ETV6: variants seen among roughly 807,000 people sequenced by gnomAD.
ETV6 encodes ETS variant transcription factor 6.
ETV6 carries 16 observed loss-of-function variants against 51.1 expected under a neutral mutation model. The observed-to-expected ratio is 0.31, with a 90% confidence interval of 0.21 to 0.48. ETV6 has a LOEUF of 0.48. Ranked by LOEUF, ETV6 falls within the 20% of genes least tolerant of loss-of-function variation. The pLI, the probability that ETV6 is intolerant of heterozygous loss-of-function variation, is 0.99. For missense variants in ETV6, 458 were observed against 594.8 expected (o/e 0.77, Z 2.39); for synonymous variants, 240 against 224.1 (o/e 1.07, Z -0.64).
intron 5 of ETV6, among the ~76,000 whole-genome samples, chr12:11,879,836 T>C (rs1296639817): frequency 6.6e-6 from 1 of 152,138 alleles, no homozygotes; most frequent in East Asian, 1.9e-4. Flanking sequence ...CGCTTTATTA[T>C]ATAGTATTAT....
intron 1 of ETV6, among the ~76,000 whole-genome samples, chr12:11,661,738 A>G (rs751315666): frequency 2.6e-5 from 4 of 152,216 alleles, no homozygotes; most frequent in African/African-American, 9.7e-5. Flanking sequence ...TGGTGAGGTA[A>G]GAGTGTTTTC....
At chr12:11,739,559 A>G (rs1167156880) in intron 1 of ETV6, among the ~76,000 whole-genome samples, 1 of 152,238 alleles carries the variant, frequency 6.6e-6, no homozygotes. Flanking sequence ...GAATTTTATG[A>G]ACTCTAAATA....
intron 5 of ETV6, among the ~76,000 whole-genome samples, chr12:11,877,408 G>C (rs932787678): frequency 6.6e-6 from 1 of 152,148 alleles, no homozygotes; most frequent in African/African-American, 2.4e-5. Context: ...AGTGCTGGGG[G>C]CAAGTCTCAG....
intron 2 of ETV6, among the ~76,000 whole-genome samples, chr12:11,792,291 C>G (rs528107912): frequency 6.6e-6 from 1 of 152,158 alleles, no homozygotes; most frequent in Non-Finnish European, 1.5e-5. Context: ...TGTTCCTGCT[C>G]TCCCAGTGAC....
At chr12:11,668,688 CT>C (rs1202742943) in intron 1 of ETV6, among the ~76,000 whole-genome samples, 2 of 152,174 alleles carry the variant, frequency 1.3e-5, no homozygotes, top group African/African-American at 4.8e-5. Flanking sequence ...ACACTTAAGC[CT>C]TATGCTTCAG....
intron 2 of ETV6, among the ~76,000 whole-genome samples, chr12:11,821,098 C>T (rs181612581): frequency 2.0e-5 from 3 of 152,130 alleles, no homozygotes; most frequent in African/African-American, 4.8e-5. Flanking sequence ...CACGGTGGCT[C>T]ACGCCTGTAA....
chr12:11,667,981 T>A (rs1864228230), intron 1 of ETV6, among the ~76,000 whole-genome samples: 1 of 152,052 alleles, frequency 6.6e-6, no homozygotes, highest in Admixed American at 6.6e-5. Flanking sequence ...ATTACAGCCG[T>A]GAGCCACCAC....
At chr12:11,854,203 T>C (rs1366503483) in intron 4 of ETV6, among the ~76,000 whole-genome samples, 1 of 151,914 alleles carries the variant, frequency 6.6e-6, no homozygotes, top group Non-Finnish European at 1.5e-5. Context: ...CAGTTCATGA[T>C]AGCGTTTGTG....
chr12:11,800,555 C>T (rs1266270433), intron 2 of ETV6, among the ~76,000 whole-genome samples: 1 of 149,496 alleles, frequency 6.7e-6, no homozygotes, highest in Admixed American at 6.7e-5. Flanking sequence ...CCAACACCTC[C>T]CCACCCGCAT....
At chr12:11,650,488 A>ACAAC (rs1565472643) in intron 1 of ETV6, among the ~76,000 whole-genome samples, 2 of 64,642 alleles carry the variant, frequency 3.1e-5, no homozygotes, top group African/African-American at 9.9e-5. Flanking sequence ...GCTTAAAAAA[A>ACAAC]AAAAAAACAA....
At chr12:11,696,176 C>A (rs965031967) in intron 1 of ETV6, among the ~76,000 whole-genome samples, 10 of 152,090 alleles carry the variant, frequency 6.6e-5, no homozygotes, top group African/African-American at 1.4e-4. Flanking sequence ...GTTTTTATTT[C>A]TTTTTTCTGT....
At chr12:11,652,441 C>T (rs931442305) in intron 1 of ETV6, among the ~76,000 whole-genome samples, 1 of 152,166 alleles carries the variant, frequency 6.6e-6, no homozygotes, top group South Asian at 2.1e-4. Flanking sequence ...TGCTGGTAAC[C>T]CACAAGCAAG....
rs1865406563 is a variant in ETV6 at position 11,722,501 on chromosome 12, T to TG, written c.34-29945dup. Among the ~76,000 whole-genome samples the TG allele has an allele frequency of 2.0e-5, 3 of 152,332 alleles. No homozygotes were observed. In the South Asian group the frequency reaches 6.2e-4, roughly 32 times the overall value. On this transcript the variant is annotated intron_variant, in intron 1 of 7. Coordinates refer to ENST00000396373, the MANE Select transcript of ETV6 (RefSeq NM_001987.5). ...ATTTTTAATCTAATGGTGGACATTT[T>TG]GGGGCACTGCAGCCTATTAAATCTG...
Position 11,892,228 on chromosome 12 carries a change from T to TTG in ETV6, c.*1183_*1184insGT, listed in dbSNP as rs1250329827. 48 of 229,416 alleles carry TTG rather than the reference T, an allele frequency of 2.1e-4. No homozygotes were observed. Among genetic ancestry groups the TTG allele is most frequent in the Non-Finnish European group, 3.9e-4 (45 of 116,634 alleles). The allele number at this position is 229,416 out of a possible 1,614,324, so 14.2% of individuals were successfully genotyped here. On this transcript the variant is annotated 3_prime_UTR_variant, in exon 8 of 8. Coordinates refer to ENST00000396373, the MANE Select transcript of ETV6 (RefSeq NM_001987.5). ...TCACCTGATTTTTTTTTTTTTTTTT[T>TTG]TTTTTCAATTCCTAACCTTTTTTAA... is the stretch of plus-strand genomic sequence containing the variant.
intron 1 of ETV6, among the ~76,000 whole-genome samples, chr12:11,663,741 T>A (rs1382058016): frequency 7.4e-6 from 1 of 135,634 alleles, no homozygotes; most frequent in Non-Finnish European, 1.6e-5. Flanking sequence ...GCCTGTGGTG[T>A]TTATATGTTG....
intron 1 of ETV6, among the ~76,000 whole-genome samples, chr12:11,652,594 C>T (rs780439996): frequency 2.0e-5 from 3 of 152,138 alleles, no homozygotes; most frequent in Non-Finnish European, 2.9e-5. Context: ...GAGGTTTTTC[C>T]CAGTCCTCCT....
At chr12:11,834,562 GA>G (rs1946287696) in intron 2 of ETV6, among the ~76,000 whole-genome samples, 2 of 152,340 alleles carry the variant, frequency 1.3e-5, no homozygotes, top group South Asian at 4.1e-4. Context: ...TAATATGTAT[GA>G]AAGCACCTTA....
rs191545503 is a variant in ETV6 at position 11,744,606 on chromosome 12, G to A, written c.34-7844G>A. 9.2e-5 allele frequency among the ~76,000 whole-genome samples: 14 copies of A among 152,304 alleles called. No homozygotes were observed. In the East Asian group the frequency reaches 2.1e-3, roughly 23 times the overall value. On this transcript the variant is annotated intron_variant, in intron 1 of 7. Coordinates refer to ENST00000396373, the MANE Select transcript of ETV6 (RefSeq NM_001987.5). ...TTAGTAGGACATGCACTTTTATGGC[G>A]TTTCCAGGAGTGGTGATGTGTGTTG...
intron 2 of ETV6, among the ~76,000 whole-genome samples, chr12:11,828,875 A>C (rs1946200246): frequency 6.6e-6 from 1 of 152,140 alleles, no homozygotes; most frequent in African/African-American, 2.4e-5. Flanking sequence ...TTGATTTTTA[A>C]AATATTGCGT....
Sources: allele counts gnomAD v4.1 joint callset (sites outside exome capture counted in the v4.1 genomes callset), GRCh38; gene constraint gnomAD v4.1.1; transcripts MANE v1.5; gene names NCBI Gene and HGNC (gene_info 2026-07-23, HGNC 2026-07-21).